EPB41L5: variants seen among roughly 807,000 people sequenced by gnomAD.
EPB41L5 encodes band 4.1-like protein 5.
A neutral mutation model predicts 106.6 loss-of-function variants in EPB41L5; 55 were observed. The observed-to-expected ratio is 0.52, with a 90% CI of 0.42 to 0.65. EPB41L5 has a LOEUF of 0.65. Ranked by LOEUF, EPB41L5 falls within the 30% of genes least tolerant of loss-of-function variation. EPB41L5 has a pLI of 0.00. For synonymous variants in EPB41L5, 297 were observed against 306.7 expected (o/e 0.97, Z 0.33); for missense variants, 871 against 882.1 (o/e 0.99, Z 0.16).
intron 24 of EPB41L5, among the ~76,000 whole-genome samples, chr2:120,171,758 C>T (rs1427577594): frequency 6.6e-6 from 1 of 152,016 alleles, no homozygotes; most frequent in Non-Finnish European, 1.5e-5. Context: ...TGAGTTTTGC[C>T]CATATATACA....
At chr2:120,110,998 G>T (rs1684706293) in intron 16 of EPB41L5, among the ~76,000 whole-genome samples, 1 of 151,988 alleles carries the variant, frequency 6.6e-6, no homozygotes, top group South Asian at 2.1e-4. Context: ...TAATTTCTTA[G>T]ATTTTGTTTG....
rs1479514663 is a variant in EPB41L5 at position 120,176,933 on chromosome 2, C to T, written c.*2026C>T. 1 of 152,214 alleles carries T rather than the reference C, an allele frequency of 6.6e-6. No individual in the cohort carries two copies. The highest frequency in any genetic ancestry group is 1.5e-5 in the Non-Finnish European group (1 of 68,042). 9.4% of individuals were successfully genotyped at this position (152,214 alleles called of 1,614,324 possible). ...TGTCGTTGGATACCTGTATTCTTGA[C>T]AGTTAGAATATTGGTAGGGACTTTG... On this transcript the variant is annotated 3_prime_UTR_variant, in exon 25 of 25. Coordinates refer to ENST00000263713, the MANE Select transcript of EPB41L5 (RefSeq NM_020909.4).
chr2:120,121,484 AATG>A (rs1195578051), intron 16 of EPB41L5, among the ~76,000 whole-genome samples: 1 of 152,056 alleles, frequency 6.6e-6, no homozygotes, highest in Non-Finnish European at 1.5e-5. Flanking sequence ...GTTTGCTGAG[AATG>A]ATGGTTTCCA....
At chr2:120,038,516 G>A (rs1487254783) in intron 2 of EPB41L5, among the ~76,000 whole-genome samples, 1 of 152,164 alleles carries the variant, frequency 6.6e-6, no homozygotes, top group Admixed American at 6.5e-5. Flanking sequence ...GCTCACTCCT[G>A]TAATCCCAGC....
intron 17 of EPB41L5, among the ~76,000 whole-genome samples, chr2:120,129,118 A>G (rs1685587488): frequency 6.6e-6 from 1 of 152,128 alleles, no homozygotes; most frequent in Non-Finnish European, 1.5e-5. Flanking sequence ...AGAAGCCCAA[A>G]CCATGGTACC....
At chr2:120,035,756 C>T (rs543698576) in intron 2 of EPB41L5, among the ~76,000 whole-genome samples, 16 of 152,276 alleles carry the variant, frequency 1.1e-4, no homozygotes, top group African/African-American at 3.9e-4. Flanking sequence ...AAATTCATCC[C>T]TGAAGGAAGT....
At position 120,178,398 on chromosome 2, in the gene EPB41L5, G is replaced by A. The variant is rs758577464; in HGVS notation, c.*3491G>A. The A allele has an allele frequency of 6.6e-6, 1 of 151,726 alleles. No individual in the cohort carries two copies. Among genetic ancestry groups the A allele is most frequent in the South Asian group, 2.1e-4 (1 of 4,808 alleles). 9.4% of individuals were successfully genotyped at this position (151,726 alleles called of 1,614,324 possible). On this transcript the variant is annotated 3_prime_UTR_variant, in exon 25 of 25. Coordinates refer to ENST00000263713, the MANE Select transcript of EPB41L5 (RefSeq NM_020909.4). The stretch of plus-strand genomic sequence containing the variant: ...GTCTTTGTGAGCTCCCACTGTTGTG[G>A]GTGTCTCAGCTCTGAGGGTCTTTGT...
chr2:120,091,499 G>C, intron 12 of EPB41L5, 56 bp from the exon 13 acceptor site: 1 of 1,183,130 alleles, frequency 8.5e-7, no homozygotes, highest in Non-Finnish European at 1.3e-6. Context: ...TCTTATTTGT[G>C]TGTGTTTATT....
At chr2:120,055,417 C>T (rs1404479750) in intron 3 of EPB41L5, among the ~76,000 whole-genome samples, 4 of 151,236 alleles carry the variant, frequency 2.6e-5, no homozygotes, top group Admixed American at 2.6e-4. Flanking sequence ...GGAATATTGC[C>T]ATTTTAACAA....
At position 120,175,418 on chromosome 2, in the gene EPB41L5, CT is replaced by C. The variant is rs34620344; in HGVS notation, c.*525del. The C allele has an allele frequency of 4.5e-3, 643 of 143,208 alleles. No individual in the cohort carries two copies. Among genetic ancestry groups the C allele is most frequent in the Admixed American group, 6.4e-3 (91 of 14,282 alleles). 8.9% of individuals were successfully genotyped at this position (143,208 alleles called of 1,614,324 possible). On this transcript the variant is annotated 3_prime_UTR_variant, in exon 25 of 25. Coordinates refer to ENST00000263713, the MANE Select transcript of EPB41L5 (RefSeq NM_020909.4). ...ACTATAAAGGCAGACTTAGGGCCAA[CT>C]TTTTTTTTTTTTTACAATTATTACA...
In EPB41L5 at chr2:120,092,989, C is replaced by A. The variant is rs565792701; in HGVS notation, c.1151-260C>A. Among the ~76,000 whole-genome samples, 14 of 152,044 alleles carry A rather than the reference C, an allele frequency of 9.2e-5. 1 individual carries two copies. Among genetic ancestry groups the A allele is most frequent in the South Asian group, 4.1e-4 (2 of 4,826 alleles). ...AATGTGGTGGCTCACACCTTTAATC[C>A]CAGCACTTTGGGAGGCCAAGGTGGG... On this transcript the variant is annotated intron_variant, in intron 13 of 24. Coordinates refer to ENST00000263713, the MANE Select transcript of EPB41L5 (RefSeq NM_020909.4).
chr2:120,163,828 T>C (rs1687254651), intron 21 of EPB41L5, among the ~76,000 whole-genome samples: 1 of 151,796 alleles, frequency 6.6e-6, no homozygotes, highest in South Asian at 2.1e-4. Context: ...GGTGCACACC[T>C]GTAGTCCCAG....
rs145903268 is a variant in EPB41L5, at chr2:120,152,221, G to GA, written c.1793+5937dup. ...ATTCTATTCTGTTTGTTTTTATCAT[G>GA]AAAAAGTGTTGCATTTTTGTTATAT... On this transcript the variant is annotated intron_variant, in intron 20 of 24. Transcript: ENST00000263713. Among the ~76,000 whole-genome samples the GA allele has an allele frequency of 8.7e-3, 1,323 of 152,184 alleles. 18 individuals carry two copies. The highest frequency in any genetic ancestry group is 0.03 in the African/African-American group (1,258 of 41,540).
intron 16 of EPB41L5, among the ~76,000 whole-genome samples, chr2:120,110,372 A>T (rs1185091725): frequency 3.3e-5 from 5 of 152,176 alleles, no homozygotes; most frequent in African/African-American, 9.7e-5. Flanking sequence ...TTCCCGTAAC[A>T]ATTTATTCCC....
rs73952048 is a variant in EPB41L5, at chr2:120,141,549, C to A, written c.1600-1454C>A. Among the ~76,000 whole-genome samples, 791 of 152,160 alleles carry A rather than the reference C, an allele frequency of 5.2e-3. 4 individuals carry two copies. The highest frequency in any genetic ancestry group is 0.018 in the African/African-American group (761 of 41,528). ...AATATGTAAATGAAGTATGAATCAG[C>A]TGCCAAAGAGTTATGTTGTCTTAAT... On this transcript the variant is annotated intron_variant, in intron 18 of 24. Transcript: ENST00000263713.
At chr2:120,159,204 C>A (rs1388868594) in intron 20 of EPB41L5, among the ~76,000 whole-genome samples, 1 of 150,608 alleles carries the variant, frequency 6.6e-6, no homozygotes, top group Admixed American at 6.6e-5. Context: ...GCGGGTGGAT[C>A]ACGAGGTCAG....
At chr2:120,057,499 A>G (rs188054027) in intron 3 of EPB41L5, among the ~76,000 whole-genome samples, 4 of 152,348 alleles carry the variant, frequency 2.6e-5, no homozygotes, top group Admixed American at 6.5e-5. Context: ...AAGCCCAACT[A>G]TGAATTCTCC....
At chr2:120,035,263 T>G (rs916853413) in intron 2 of EPB41L5, among the ~76,000 whole-genome samples, 5 of 152,294 alleles carry the variant, frequency 3.3e-5, no homozygotes, top group African/African-American at 1.2e-4. Context: ...AAAAAAATTT[T>G]TTTTAAAAAT....
intron 3 of EPB41L5, among the ~76,000 whole-genome samples, chr2:120,054,368 C>G (rs996223520): frequency 3.9e-5 from 6 of 152,138 alleles, no homozygotes; most frequent in Non-Finnish European, 4.4e-5. Context: ...TTGATAGTGT[C>G]CTTTGACAAA....
Sources: gnomAD v4.1 joint callset for allele counts (sites outside exome capture counted in the v4.1 genomes callset) on GRCh38, gnomAD v4.1.1 for gene constraint, MANE v1.5 for transcripts, NCBI Gene and HGNC (gene_info 2026-07-23, HGNC 2026-07-21) for gene names.